The following GRB10 variants were observed in gnomAD, a reference collection of about 807,000 sequenced individuals.
GRB10 encodes growth factor receptor bound protein 10.
GRB10 carries 20 observed loss-of-function variants against 80.9 expected under a neutral mutation model. The observed-to-expected ratio is 0.25, with a 90% confidence interval of 0.17 to 0.36. GRB10 has a LOEUF of 0.36. Ranked by LOEUF, GRB10 falls within the 10% of genes least tolerant of loss-of-function variation. The pLI, the probability that GRB10 is intolerant of heterozygous loss-of-function variation, is 1.00. For missense variants in GRB10, 548 were observed against 747.7 expected, an observed-to-expected ratio of 0.73 and a Z score of 3.12; for synonymous variants, 291 against 291.5, an observed-to-expected ratio of 1.00 and a Z score of 0.02.
In GRB10 at chr7:50,619,369, CT is replaced by C; in HGVS notation, c.662-85del. 4.8e-6 allele frequency: 4 copies of C among 829,804 alleles called. No homozygotes were observed. The East Asian group carries it at 9.7e-5, about 20-fold the overall frequency. 51.4% of individuals were successfully genotyped at this position (829,804 alleles called of 1,614,324 possible). ...ACAACCAAATGGAAGATTTGTTCAA[CT>C]TTCTATTCTTCTTTAAACATTATGA... is the stretch of plus-strand genomic sequence containing the variant. On this transcript the variant is annotated intron_variant, in intron 8 of 18. Transcript: ENST00000401949.
chr7:50,770,307 A>C (rs2076858137), intron 2 of GRB10, among the ~76,000 whole-genome samples: 1 of 152,346 alleles, frequency 6.6e-6, no homozygotes, highest in South Asian at 2.1e-4. Context: ...ATAGTTACGG[A>C]CCAAGTATCC....
At chr7:50,696,289 C>T (rs2063409688) in intron 5 of GRB10, among the ~76,000 whole-genome samples, 1 of 152,192 alleles carries the variant, frequency 6.6e-6, no homozygotes, top group Admixed American at 6.5e-5. Context: ...CACTTCTTCG[C>T]ACTCACCAGC....
At chr7:50,730,900 G>A (rs1199724840) in intron 4 of GRB10, among the ~76,000 whole-genome samples, 1 of 152,200 alleles carries the variant, frequency 6.6e-6, no homozygotes, top group Non-Finnish European at 1.5e-5. Flanking sequence ...TTCCCTTGGG[G>A]ATGTTCTTTG....
chr7:50,634,467 A>G (rs1334012877), intron 7 of GRB10, among the ~76,000 whole-genome samples: 1 of 152,240 alleles, frequency 6.6e-6, no homozygotes, highest in African/African-American at 2.4e-5. Context: ...CTCACTGTAT[A>G]AAGCAATTAC....
chr7:50,683,925 T>C (rs1236199485), intron 5 of GRB10, among the ~76,000 whole-genome samples: 1 of 152,146 alleles, frequency 6.6e-6, no homozygotes, highest in South Asian at 2.1e-4. Context: ...ACAAGGCTAG[T>C]CATTTCCTAA....
intron 8 of GRB10, among the ~76,000 whole-genome samples, chr7:50,621,676 T>C (rs1222464622): frequency 1.3e-5 from 2 of 152,218 alleles, no homozygotes; most frequent in East Asian, 1.9e-4. Context: ...CCTTGCATGA[T>C]TATAAACAAT....
At chr7:50,606,577 G>GATT (rs2048567655) in intron 13 of GRB10, 163 bp from the exon 14 acceptor site, 1 of 664,622 alleles carries the variant, frequency 1.5e-6, no homozygotes, top group Non-Finnish European at 2.7e-6. Context: ...TCAACACAGG[G>GATT]ATTAGGAGCA....
chr7:50,764,300 C>T (rs2076099572), intron 2 of GRB10, among the ~76,000 whole-genome samples: 1 of 152,242 alleles, frequency 6.6e-6, no homozygotes, highest in African/African-American at 2.4e-5. Flanking sequence ...CTGCAGAACA[C>T]ATCAGGCTTG....
intron 2 of GRB10, among the ~76,000 whole-genome samples, chr7:50,779,938 G>T (rs1309601235): frequency 6.6e-6 from 1 of 152,130 alleles, no homozygotes. Context: ...GACCAGAAAT[G>T]CCCCTGGAGA....
At chr7:50,695,026 T>C (rs1219414733) in intron 5 of GRB10, among the ~76,000 whole-genome samples, 1 of 152,054 alleles carries the variant, frequency 6.6e-6, no homozygotes, top group African/African-American at 2.4e-5. Flanking sequence ...GCTCTCTCCC[T>C]CCCCGTGCCT....
Position 50,732,372 on chromosome 7 carries a change from G to T in GRB10, c.-46-4C>A. On this transcript the variant is annotated splice_polypyrimidine_tract_variant and splice_region_variant and intron_variant, in intron 3 of 18. Coordinates refer to ENST00000401949, the MANE Select transcript of GRB10 (RefSeq NM_001350814.2). ...TACATTTACTGCGCTGCAGCACCTGGAATAAAGACAGACTGTGAGAAGCCA... is the reference window on the plus strand; with the variant it reads ...TACATTTACTGCGCTGCAGCACCTGTAATAAAGACAGACTGTGAGAAGCCA... 1 of 1,512,452 alleles carries T rather than the reference G, an allele frequency of 6.6e-7. No individual in the cohort carries two copies. Among genetic ancestry groups the T allele is most frequent in the Non-Finnish European group, 9.2e-7 (1 of 1,089,254 alleles). The allele number at this position is 1,512,452 out of a possible 1,614,324, so 93.7% of individuals were successfully genotyped here.
upstream of GRB10, among the ~76,000 whole-genome samples, chr7:50,787,279 G>C (rs2078733906): frequency 6.6e-6 from 1 of 151,732 alleles, no homozygotes; most frequent in African/African-American, 2.4e-5. Context: ...AGGAGGAGGA[G>C]GAGGAGGAGG....
At chr7:50,749,290 AGC>A (rs2073712714) in intron 3 of GRB10, among the ~76,000 whole-genome samples, 1 of 151,784 alleles carries the variant, frequency 6.6e-6, no homozygotes, top group Non-Finnish European at 1.5e-5. Flanking sequence ...CACCATGCCC[AGC>A]TAATTTTTGT....
chr7:50,708,676 T>G (rs960622647), intron 4 of GRB10, among the ~76,000 whole-genome samples: 1,385 of 15,472 alleles, frequency 0.09, 20 homozygotes, highest in Admixed American at 0.16. Flanking sequence ...TGAGTCTGTT[T>G]TTTTTTTTTT....
chr7:50,620,428 A>C (rs966408250), intron 8 of GRB10, among the ~76,000 whole-genome samples: 1 of 151,990 alleles, frequency 6.6e-6, no homozygotes, highest in South Asian at 2.1e-4. Flanking sequence ...TGCAGAAAAG[A>C]CTTTCCGTCT....
chr7:50,640,890 T>C (rs1263442235), intron 7 of GRB10, among the ~76,000 whole-genome samples: 1 of 152,212 alleles, frequency 6.6e-6, no homozygotes, highest in Non-Finnish European at 1.5e-5. Context: ...GGAGGGCCTC[T>C]GTGGCCTTCC....
intron 5 of GRB10, among the ~76,000 whole-genome samples, chr7:50,686,779 A>G (rs1458785585): frequency 1.3e-5 from 2 of 152,180 alleles, no homozygotes; most frequent in African/African-American, 2.4e-5. Flanking sequence ...GCATTTTTAT[A>G]TATTTCAGGA....
At chr7:50,689,356 G>C (rs1269988411) in intron 5 of GRB10, among the ~76,000 whole-genome samples, 1 of 152,222 alleles carries the variant, frequency 6.6e-6, no homozygotes, top group Non-Finnish European at 1.5e-5. Context: ...AGATGGGAAG[G>C]TTAATGGCTG....
At chr7:50,640,568 T>C (rs2056044269) in intron 7 of GRB10, among the ~76,000 whole-genome samples, 1 of 152,214 alleles carries the variant, frequency 6.6e-6, no homozygotes, top group South Asian at 2.1e-4. Flanking sequence ...TATTAGAATT[T>C]ATGCATTTTC....
Sources: allele counts gnomAD v4.1 joint callset (sites outside exome capture counted in the v4.1 genomes callset), GRCh38; gene constraint gnomAD v4.1.1; transcripts MANE v1.5; gene names NCBI Gene and HGNC (gene_info 2026-07-23, HGNC 2026-07-21).